RAB11FIP4: variants seen among roughly 807,000 people sequenced by gnomAD.
RAB11FIP4 encodes RAB11 family interacting protein 4.
In RAB11FIP4, 23 loss-of-function variants were observed where a neutral mutation model predicts 74.3. The ratio of observed to expected loss-of-function variants is 0.31; its 90% CI spans 0.22 to 0.44. The LOEUF (loss-of-function observed/expected upper bound fraction) is 0.44. Ranked by LOEUF, RAB11FIP4 falls within the 20% of genes least tolerant of loss-of-function variation. The pLI is 1.00. For synonymous variants in RAB11FIP4, 360 were observed against 359.9 expected, an observed-to-expected ratio of 1.00 and a Z score of 0.00; for missense variants, 630 against 863.9, an observed-to-expected ratio of 0.73 and a Z score of 3.39.
At chr17:31,499,380 A>G (rs2072175791) in intron 3 of RAB11FIP4, among the ~76,000 whole-genome samples, 1 of 151,744 alleles carries the variant, frequency 6.6e-6, no homozygotes, top group East Asian at 1.9e-4. Context: ...TTTTTTAGAT[A>G]GAGTTTCACT....
intron 3 of RAB11FIP4, among the ~76,000 whole-genome samples, chr17:31,500,385 G>A (rs1233710134): frequency 6.6e-6 from 1 of 152,084 alleles, no homozygotes. Context: ...GACCACAACA[G>A]AGGGAGGAAA....
Position 31,528,648 on chromosome 17 carries a change from A to G in RAB11FIP4, c.1523A>G (p.Glu508Gly), listed in dbSNP as rs771840443. The G allele has an allele frequency of 3.7e-6, 6 of 1,613,560 alleles. No homozygotes were observed. The South Asian group carries it at 6.6e-5, about 18-fold the overall frequency. The change falls in exon 13 of 15, where the codon GAG becomes GGG. Residue 508 changes from glutamate (E) to glycine (G), a missense_variant. Coordinates refer to ENST00000621161, the MANE Select transcript of RAB11FIP4 (RefSeq NM_032932.6). ...ATCGAGGACTTGCGGAAGGAGCTGG[A>G]GCACCTGCAGATGTACAAGCTGGAC... is the stretch of plus-strand genomic sequence containing the variant. ...ELIEDLRKEL[E>G]HLQMYKLDCE... is the part of the protein sequence containing the mutation.
intron 1 of RAB11FIP4, among the ~76,000 whole-genome samples, chr17:31,415,813 C>T (rs1438773681): frequency 1.3e-5 from 2 of 152,128 alleles, no homozygotes; most frequent in Non-Finnish European, 2.9e-5. Flanking sequence ...AGCCCCCCTG[C>T]GGACGGTCTC....
At chr17:31,438,294 C>A (rs75618780) in intron 3 of RAB11FIP4, among the ~76,000 whole-genome samples, 48 of 152,146 alleles carry the variant, frequency 3.2e-4, no homozygotes, top group Middle Eastern at 3.4e-3. Context: ...CCTCAGCAGG[C>A]AGTAATGTGA....
chr17:31,479,640 T>C (rs1169050443), intron 3 of RAB11FIP4, among the ~76,000 whole-genome samples: 1 of 152,168 alleles, frequency 6.6e-6, no homozygotes, highest in African/African-American at 2.4e-5. Context: ...AGGAATAATT[T>C]ATTATCACTG....
intron 1 of RAB11FIP4, among the ~76,000 whole-genome samples, chr17:31,395,512 TGTG>T (rs1439392212): frequency 1.3e-5 from 2 of 152,146 alleles, no homozygotes; most frequent in Non-Finnish European, 2.9e-5. Flanking sequence ...CTTGGTGTGA[TGTG>T]GTGAGAATAG....
At chr17:31,460,179 C>G (rs1012389824) in intron 3 of RAB11FIP4, among the ~76,000 whole-genome samples, 1 of 152,170 alleles carries the variant, frequency 6.6e-6, no homozygotes, top group Non-Finnish European at 1.5e-5. Context: ...GGAGCAAGCA[C>G]GTTGGAGACT....
At chr17:31,519,896 T>C (rs1008827669) in intron 4 of RAB11FIP4, among the ~76,000 whole-genome samples, 3 of 151,882 alleles carry the variant, frequency 2.0e-5, no homozygotes, top group African/African-American at 7.3e-5. Context: ...GCAGATCACC[T>C]GAGGCCAGGA....
intron 1 of RAB11FIP4, among the ~76,000 whole-genome samples, chr17:31,402,909 G>C (rs536615519): frequency 2.6e-5 from 4 of 152,230 alleles, no homozygotes; most frequent in Admixed American, 1.3e-4. Context: ...ACAGGCGTGA[G>C]CCACCGCGCC....
intron 3 of RAB11FIP4, among the ~76,000 whole-genome samples, chr17:31,496,083 T>G (rs1246736151): frequency 6.6e-6 from 1 of 152,370 alleles, no homozygotes; most frequent in Non-Finnish European, 1.5e-5. Context: ...TGTCTCAGAT[T>G]TAATGAAATA....
chr17:31,469,823 C>T (rs1177540447), intron 3 of RAB11FIP4, among the ~76,000 whole-genome samples: 1 of 152,204 alleles, frequency 6.6e-6, no homozygotes, highest in African/African-American at 2.4e-5. Context: ...ATTAAAGCAA[C>T]TAAACCGTTT....
chr17:31,510,857 G>A (rs1027804998), intron 3 of RAB11FIP4, among the ~76,000 whole-genome samples: 1 of 152,100 alleles, frequency 6.6e-6, no homozygotes, highest in Non-Finnish European at 1.5e-5. Context: ...ACACAATGAC[G>A]ACAATAGTAG....
chr17:31,417,135 G>A (rs895828562), intron 1 of RAB11FIP4, among the ~76,000 whole-genome samples: 2 of 151,256 alleles, frequency 1.3e-5, no homozygotes, highest in African/African-American at 4.9e-5. Flanking sequence ...CCCTCACCTG[G>A]CCAGCTCCTA....
intron 3 of RAB11FIP4, among the ~76,000 whole-genome samples, chr17:31,477,666 A>G (rs548733554): frequency 6.7e-4 from 102 of 152,346 alleles, no homozygotes; most frequent in African/African-American, 2.2e-3. Context: ...TAAATGAATG[A>G]CGGGGTGAAT....
intron 3 of RAB11FIP4, among the ~76,000 whole-genome samples, chr17:31,478,352 G>T (rs1325456070): frequency 6.6e-6 from 1 of 152,142 alleles, no homozygotes; most frequent in South Asian, 2.1e-4. Flanking sequence ...TGGGAGCCTG[G>T]TGCATTGTTT....
At chr17:31,489,282 C>A (rs1245543719) in intron 3 of RAB11FIP4, among the ~76,000 whole-genome samples, 2 of 152,198 alleles carry the variant, frequency 1.3e-5, no homozygotes, top group Non-Finnish European at 2.9e-5. Context: ...GGGGCAGGCA[C>A]ATTCCTTAGA....
chr17:31,486,548 G>A (rs1369278041), intron 3 of RAB11FIP4, among the ~76,000 whole-genome samples: 1 of 152,214 alleles, frequency 6.6e-6, no homozygotes, highest in African/African-American at 2.4e-5. Flanking sequence ...TAGGCACTGG[G>A]ATTACAGGCA....
chr17:31,528,827 C>T (rs1177468596), intron 13 of RAB11FIP4, 49 bp downstream of exon 13: 2 of 1,566,930 alleles, frequency 1.3e-6, no homozygotes, highest in Non-Finnish European at 1.7e-6. Flanking sequence ...GCCGGGCCCA[C>T]CACGTGGGTT....
At chr17:31,449,906 G>A (rs1323102854) in intron 3 of RAB11FIP4, among the ~76,000 whole-genome samples, 1 of 152,166 alleles carries the variant, frequency 6.6e-6, no homozygotes, top group Admixed American at 6.5e-5. Context: ...CCAAGCATCA[G>A]TTCTCTAGTC....
Sources: allele counts gnomAD v4.1 joint callset (sites outside exome capture counted in the v4.1 genomes callset), GRCh38; gene constraint gnomAD v4.1.1; transcripts MANE v1.5; gene names NCBI Gene and HGNC (gene_info 2026-07-23, HGNC 2026-07-21).